The following PTPRT variants were observed in gnomAD, a reference collection of about 807,000 sequenced individuals.
The protein encoded by PTPRT is receptor-type tyrosine-protein phosphatase T.
PTPRT carries 56 observed loss-of-function variants against 176.8 expected under a neutral mutation model. The observed-to-expected ratio is 0.32, with a 90% CI of 0.26 to 0.40. The LOEUF (loss-of-function observed/expected upper bound fraction) is 0.40, where lower values mean the gene tolerates loss of function less well. PTPRT is among the 10% of genes least tolerant of loss of function. The pLI is 1.00. For synonymous variants in PTPRT, 783 were observed against 739.0 expected (o/e 1.06, Z -0.96); for missense variants, 1,540 against 1,908.2 (o/e 0.81, Z 3.60).
intron 9 of PTPRT, among the ~76,000 whole-genome samples, chr20:42,390,408 A>C (rs1198158444): frequency 1.3e-5 from 2 of 152,214 alleles, no homozygotes; most frequent in Non-Finnish European, 2.9e-5. Flanking sequence ...CACAGTACTA[A>C]CATTAACCAA....
intron 7 of PTPRT, among the ~76,000 whole-genome samples, chr20:42,485,703 C>A (rs2071454409): frequency 6.6e-6 from 1 of 152,108 alleles, no homozygotes; most frequent in African/African-American, 2.4e-5. Flanking sequence ...CATTCTTGAT[C>A]TTCCAAGGAA....
chr20:42,905,297 C>G (rs1463590619), intron 1 of PTPRT, among the ~76,000 whole-genome samples: 1 of 152,168 alleles, frequency 6.6e-6, no homozygotes, highest in East Asian at 1.9e-4. Flanking sequence ...ATCTATGCAG[C>G]CAACAGACAC....
intron 1 of PTPRT, among the ~76,000 whole-genome samples, chr20:42,909,453 A>G (rs1600546716): frequency 6.6e-6 from 1 of 152,352 alleles, no homozygotes; most frequent in East Asian, 1.9e-4. Context: ...ATTTTATAAA[A>G]TATACAACTA....
At chr20:42,765,642 T>C (rs946187491) in intron 5 of PTPRT, among the ~76,000 whole-genome samples, 1 of 152,054 alleles carries the variant, frequency 6.6e-6, no homozygotes, top group Non-Finnish European at 1.5e-5. Context: ...TCTTAATATG[T>C]ATTTCATGGA....
intron 1 of PTPRT, among the ~76,000 whole-genome samples, chr20:43,008,190 G>C (rs775084990): frequency 6.6e-6 from 1 of 152,012 alleles, no homozygotes; most frequent in African/African-American, 2.4e-5. Flanking sequence ...GGAGGCCTTT[G>C]AGAGATAATG....
chr20:42,453,348 TTTTTC>T (rs1438103264), intron 8 of PTPRT, among the ~76,000 whole-genome samples: 1 of 152,094 alleles, frequency 6.6e-6, no homozygotes, highest in African/African-American at 2.4e-5. Flanking sequence ...GTTAAAAATG[TTTTTC>T]TTTTATTTCT....
chr20:43,171,626 A>C (rs2015002870), intron 1 of PTPRT, among the ~76,000 whole-genome samples: 1 of 152,218 alleles, frequency 6.6e-6, no homozygotes, highest in Admixed American at 6.5e-5. Flanking sequence ...TTTGTTCTCT[A>C]GACCAGCGAT....
chr20:42,954,825 G>A (rs1401017081), intron 1 of PTPRT, among the ~76,000 whole-genome samples: 1 of 152,038 alleles, frequency 6.6e-6, no homozygotes, highest in Non-Finnish European at 1.5e-5. Flanking sequence ...TTTGTCCAAG[G>A]AGACATCCTT....
intron 15 of PTPRT, among the ~76,000 whole-genome samples, chr20:42,222,700 C>T (rs1438669129): frequency 6.6e-6 from 1 of 152,208 alleles, no homozygotes; most frequent in Admixed American, 6.5e-5. Context: ...AGCTCCATAC[C>T]TCTTCCCCCA....
chr20:42,577,715 A>G (rs2073286496), intron 7 of PTPRT, among the ~76,000 whole-genome samples: 1 of 151,912 alleles, frequency 6.6e-6, no homozygotes, highest in South Asian at 2.1e-4. Context: ...GAGGAAGGAG[A>G]TCAACAGCAC....
intron 1 of PTPRT, among the ~76,000 whole-genome samples, chr20:42,967,036 C>T (rs968810015): frequency 1.3e-5 from 2 of 152,156 alleles, no homozygotes; most frequent in Admixed American, 1.3e-4. Flanking sequence ...TTTGGAAAGG[C>T]ACCTCGGGAG....
chr20:43,074,114 C>T (rs945200382), intron 1 of PTPRT, among the ~76,000 whole-genome samples: 1 of 151,632 alleles, frequency 6.6e-6, no homozygotes, highest in Non-Finnish European at 1.5e-5. Flanking sequence ...TGTTATGGGC[C>T]GAGTGGCAAT....
chr20:42,735,630 T>C (rs78958822), intron 6 of PTPRT, among the ~76,000 whole-genome samples: 2,147 of 152,294 alleles, frequency 0.014, 54 homozygotes, highest in African/African-American at 0.05. Context: ...CCCCCACACA[T>C]TGAACTGCAC....
chr20:42,361,167 G>A (rs372176822), intron 9 of PTPRT, among the ~76,000 whole-genome samples: 4 of 152,108 alleles, frequency 2.6e-5, no homozygotes, highest in African/African-American at 9.7e-5. Context: ...GTCTGTCTGA[G>A]CCCACCCCAC....
intron 2 of PTPRT, among the ~76,000 whole-genome samples, chr20:42,859,614 C>T (rs1197160516): frequency 7.3e-6 from 1 of 136,988 alleles, no homozygotes; most frequent in Non-Finnish European, 1.5e-5. Context: ...GATGGAGTCT[C>T]GCTCTGTCAC....
chr20:42,782,167 T>C (rs997141082), intron 3 of PTPRT, among the ~76,000 whole-genome samples: 1 of 152,210 alleles, frequency 6.6e-6, no homozygotes, highest in Non-Finnish European at 1.5e-5. Flanking sequence ...TAACACTTTA[T>C]TCTTGTTATT....
At chr20:42,578,918 TTTA>T (rs1426028603) in intron 7 of PTPRT, among the ~76,000 whole-genome samples, 1 of 151,394 alleles carries the variant, frequency 6.6e-6, no homozygotes, top group African/African-American at 2.4e-5. Context: ...GGGGTCGGTT[TTTA>T]TTATACTTTA....
intron 7 of PTPRT, among the ~76,000 whole-genome samples, chr20:42,581,965 G>C (rs1568993998): frequency 6.6e-6 from 1 of 152,204 alleles, no homozygotes; most frequent in Non-Finnish European, 1.5e-5. Flanking sequence ...CAACAGCACA[G>C]GGAAACAAAT....
chr20:42,339,569 T>A (rs2058084810), intron 11 of PTPRT, among the ~76,000 whole-genome samples: 1 of 152,118 alleles, frequency 6.6e-6, no homozygotes, highest in Admixed American at 6.6e-5. Flanking sequence ...CCTGTACAGG[T>A]TCCTTTCTCC....
Sources: allele counts gnomAD v4.1 joint callset (sites outside exome capture counted in the v4.1 genomes callset), GRCh38; gene constraint gnomAD v4.1.1; transcripts MANE v1.5; gene names NCBI Gene and HGNC (gene_info 2026-07-23, HGNC 2026-07-21).